Variants in FDX1 observed in about 807,000 individuals in gnomAD.
The protein encoded by FDX1 is ferredoxin 1.
In FDX1, 9 loss-of-function variants were observed where a neutral mutation model predicts 14.9. The observed-to-expected ratio is 0.60, with a 90% CI of 0.36 to 1.05. The LOEUF is 1.05. Ranked by LOEUF, FDX1 falls within the 50% of genes least tolerant of loss-of-function variation. FDX1 has a pLI of 0.01. For synonymous variants in FDX1, 92 were observed against 99.4 expected (o/e 0.93, Z 0.44); for missense variants, 204 against 237.2 (o/e 0.86, Z 0.92).
At chr11:110,461,139 C>T (rs559804002) in intron 3 of FDX1, among the ~76,000 whole-genome samples, 2 of 152,222 alleles carry the variant, frequency 1.3e-5, no homozygotes, top group African/African-American at 4.8e-5. Context: ...AACATATTTT[C>T]TGAATATTGA....
At chr11:110,456,425 G>A (rs957614041) in intron 2 of FDX1, among the ~76,000 whole-genome samples, 3 of 151,792 alleles carry the variant, frequency 2.0e-5, no homozygotes, top group African/African-American at 4.8e-5. Context: ...AAACTCATGC[G>A]TGTGTGTGCA....
In FDX1 at chr11:110,458,699, C is replaced by G. The variant is rs551545624; in HGVS notation, c.440+1652C>G. Among the ~76,000 whole-genome samples the G allele has an allele frequency of 4.6e-5, 7 of 152,090 alleles. No individual in the cohort carries two copies. The South Asian group carries it at 1.2e-3, about 27-fold the overall frequency. Reference sequence around the variant, plus strand: ...CTTGGCTCACTGCAACCTCTGCCTCCCGGGTTCAAGCAATTATCCTGCCTC... The same window carrying G: ...CTTGGCTCACTGCAACCTCTGCCTCGCGGGTTCAAGCAATTATCCTGCCTC... On this transcript the variant is annotated intron_variant, in intron 3 of 3. Transcript: ENST00000260270.
At chr11:110,454,949 G>A (rs1344646221) in intron 2 of FDX1, among the ~76,000 whole-genome samples, 1 of 152,148 alleles carries the variant, frequency 6.6e-6, no homozygotes, top group Admixed American at 6.5e-5. Context: ...CTGTTGCTTT[G>A]AATTGGATTT....
chr11:110,459,299 G>A (rs1396159148), intron 3 of FDX1, among the ~76,000 whole-genome samples: 1 of 152,220 alleles, frequency 6.6e-6, no homozygotes, highest in Non-Finnish European at 1.5e-5. Flanking sequence ...TCTCAGAACA[G>A]TGCTTGGTGG....
At chr11:110,438,571 G>A (rs565859801) in intron 2 of FDX1, among the ~76,000 whole-genome samples, 6 of 152,112 alleles carry the variant, frequency 3.9e-5, no homozygotes, top group African/African-American at 1.4e-4. Context: ...AATTATAAAG[G>A]TGTGCCACCA....
chr11:110,461,307 G>A (rs563793808), intron 3 of FDX1, among the ~76,000 whole-genome samples: 4 of 152,012 alleles, frequency 2.6e-5, no homozygotes, highest in Admixed American at 2.6e-4. Context: ...ACCAGCCTAA[G>A]CAACATGGTG....
At chr11:110,431,165 T>A (rs992738846) in intron 1 of FDX1, among the ~76,000 whole-genome samples, 1 of 152,132 alleles carries the variant, frequency 6.6e-6, no homozygotes. Context: ...TTAAGAGAGT[T>A]TTGTATTAAA....
intron 2 of FDX1, 65 bp downstream of exon 2, chr11:110,436,023 G>GTT: frequency 2.1e-6 from 3 of 1,453,914 alleles, no homozygotes; most frequent in Non-Finnish European, 2.8e-6. Flanking sequence ...TTTATTTTGT[G>GTT]GTTTTTTTTT....
chr11:110,431,239 G>A (rs1946329116), intron 1 of FDX1, among the ~76,000 whole-genome samples: 1 of 152,124 alleles, frequency 6.6e-6, no homozygotes, highest in African/African-American at 2.4e-5. Context: ...GGGCATATTT[G>A]TTTTTCAAAG....
intron 1 of FDX1, among the ~76,000 whole-genome samples, chr11:110,434,725 G>GTTTTTTTTTTTTTTTTT (rs56907322): frequency 1.9e-5 from 2 of 105,746 alleles, no homozygotes; most frequent in Admixed American, 1.0e-4. Flanking sequence ...GACTTTTTTT[G>GTTTTTTTTTTTTTTTTT]TTTTTTTTTT....
In FDX1 at chr11:110,430,039, G is replaced by T; in HGVS notation, c.-82G>T. The T allele has an allele frequency of 9.5e-7, 1 of 1,049,598 alleles. No homozygotes were observed. The highest frequency in any genetic ancestry group is 1.2e-6 in the Non-Finnish European group (1 of 831,238). The allele number at this position is 1,049,598 out of a possible 1,614,324, so 65.0% of individuals were successfully genotyped here. On this transcript the variant is annotated 5_prime_UTR_variant, in exon 1 of 4. Coordinates refer to ENST00000260270, the MANE Select transcript of FDX1 (RefSeq NM_004109.5). ...GCGGCCCTCGGGCGTCTGCGCCGCA[G>T]CTGCCGCCCCCGCCTCTTTGGAGTC...
chr11:110,452,632 G>A (rs1160603831), intron 2 of FDX1, among the ~76,000 whole-genome samples: 3 of 151,504 alleles, frequency 2.0e-5, no homozygotes, highest in Non-Finnish European at 2.9e-5. Context: ...AAAAAAAAAA[G>A]ATATTTTACA....
chr11:110,432,226 A>G (rs1946336416), intron 1 of FDX1, among the ~76,000 whole-genome samples: 2 of 152,170 alleles, frequency 1.3e-5, no homozygotes, highest in South Asian at 4.1e-4. Context: ...ATACCGTGAC[A>G]CAAGGGGGTT....
intron 3 of FDX1, among the ~76,000 whole-genome samples, chr11:110,460,939 C>T (rs1946552600): frequency 6.6e-6 from 1 of 152,164 alleles, no homozygotes; most frequent in Non-Finnish European, 1.5e-5. Flanking sequence ...TGCTCTTCCT[C>T]ATTGACATTT....
At chr11:110,456,509 CTTTTTTTTTTTT>C (rs11463993) in intron 2 of FDX1, among the ~76,000 whole-genome samples, 1 of 83,804 alleles carries the variant, frequency 1.2e-5, no homozygotes, top group Admixed American at 1.6e-4. Flanking sequence ...TTTATGTATT[CTTTTTTTTTTTT>C]TTTTTTTTTT....
At chr11:110,459,367 T>C (rs571643252) in intron 3 of FDX1, among the ~76,000 whole-genome samples, 41 of 152,324 alleles carry the variant, frequency 2.7e-4, no homozygotes, top group African/African-American at 9.1e-4. Flanking sequence ...TATCGACTTA[T>C]CTATTGGGAA....
chr11:110,457,108 GT>G, intron 3 of FDX1, 61 bp downstream of exon 3: 1 of 1,496,686 alleles, frequency 6.7e-7, no homozygotes. Context: ...GTTGTATTAT[GT>G]TGTCTATGTA....
At chr11:110,447,167 C>A (rs1159665791) in intron 2 of FDX1, among the ~76,000 whole-genome samples, 6 of 118,500 alleles carry the variant, frequency 5.1e-5, no homozygotes, top group Non-Finnish European at 8.2e-5. Context: ...CAGACTAAGA[C>A]TCCATCTTGG....
chr11:110,463,618 A>G lies in FDX1; in HGVS notation c.*1150A>G, dbSNP rs1211962393. ...AGACAATTGAGTTAGCTTCATGTGT[A>G]TTATTGCAGCTTGATCATTTATATA... On this transcript the variant is annotated 3_prime_UTR_variant, in exon 4 of 4. Coordinates refer to ENST00000260270, the MANE Select transcript of FDX1 (RefSeq NM_004109.5). 1.3e-5 allele frequency: 2 copies of G among 152,218 alleles called. No homozygotes were observed. The highest frequency in any genetic ancestry group is 6.5e-5 in the Admixed American group (1 of 15,288). 9.4% of individuals were successfully genotyped at this position (152,218 alleles called of 1,614,324 possible).
Sources: allele counts gnomAD v4.1 joint callset (sites outside exome capture counted in the v4.1 genomes callset), GRCh38; gene constraint gnomAD v4.1.1; transcripts MANE v1.5; gene names NCBI Gene and HGNC (gene_info 2026-07-23, HGNC 2026-07-21).